Variants in TRIT1 observed in about 807,000 individuals in gnomAD.
TRIT1 encodes tRNA dimethylallyltransferase.
In TRIT1, 43 loss-of-function variants were observed where a neutral mutation model predicts 51.2. That is an observed-to-expected ratio of 0.84 (90% CI 0.66 to 1.08). TRIT1 has a LOEUF of 1.08. Among genes scored for constraint, TRIT1 ranks in the 50% least tolerant of loss-of-function variants. TRIT1 has a pLI of 0.00. For missense variants in TRIT1, 528 were observed against 578.4 expected (o/e 0.91, Z 0.89); for synonymous variants, 184 against 203.9 (o/e 0.90, Z 0.83).
chr1:39,883,432 T>C lies in TRIT1; in HGVS notation c.60A>G (p.Gln20=), dbSNP rs1007929557. 2 of 1,613,378 alleles carry C rather than the reference T, an allele frequency of 1.2e-6. No homozygotes were observed. Among genetic ancestry groups the C allele is most frequent in the Non-Finnish European group, 1.7e-6 (2 of 1,179,532 alleles). Residue 20 remains glutamine (Q), a synonymous_variant, in exon 1 of 11, where the codon CAA becomes CAG. Transcript: ENST00000316891. ...GAATCACTACAAGAGGTAGGGTCCG[T>C]TGCAGGCCCCTGAGCCCACTGCCCA... ...VPVGSGLRGL[Q]RTLPLVVILG...
In TRIT1 at chr1:39,852,889, G is replaced by A. The variant is rs144896772; in HGVS notation, c.415-13C>T. 136 of 1,613,268 alleles carry A rather than the reference G, an allele frequency of 8.4e-5. No individual in the cohort carries two copies. In the African/African-American group the frequency reaches 1.6e-3, roughly 19 times the overall value. ...CCATCTCCTGGGGCTATTAAATGAT[G>A]GTTTAGAAGTATATTTAATTCAACC... On this transcript the variant is annotated splice_polypyrimidine_tract_variant and intron_variant, in intron 3 of 10. Transcript: ENST00000316891.
intron 8 of TRIT1, 186 bp downstream of exon 8, chr1:39,847,034 T>C: frequency 1.1e-5 from 6 of 562,258 alleles, no homozygotes; most frequent in Admixed American, 3.3e-5. Flanking sequence ...CAAATAATTT[T>C]TTTTTTTTTT....
chr1:39,874,377 G>A (rs889714491), intron 1 of TRIT1, among the ~76,000 whole-genome samples: 3 of 152,054 alleles, frequency 2.0e-5, no homozygotes, highest in Non-Finnish European at 2.9e-5. Flanking sequence ...ATTGCCAAAC[G>A]TCCCCTAGGA....
chr1:39,847,485 T>C (rs1642299207), intron 7 of TRIT1, 63 bp downstream of exon 7: 3 of 1,564,988 alleles, frequency 1.9e-6, no homozygotes, highest in South Asian at 1.1e-5. Context: ...TCTCAGACCA[T>C]ACCAGCAGAG....
intron 1 of TRIT1, among the ~76,000 whole-genome samples, chr1:39,876,951 G>C (rs893036428): frequency 3.7e-5 from 5 of 135,824 alleles, no homozygotes; most frequent in African/African-American, 1.4e-4. Context: ...AAAAAAAAAA[G>C]GACTGCCTTT....
chr1:39,864,440 T>C (rs1253622064), intron 1 of TRIT1, among the ~76,000 whole-genome samples: 2 of 151,224 alleles, frequency 1.3e-5, no homozygotes, highest in Non-Finnish European at 1.5e-5. Context: ...AAACCCCATC[T>C]CTACTAAAAA....
chr1:39,844,484 A>T (rs1222664018), intron 9 of TRIT1, 47 bp downstream of exon 9: 4 of 1,457,986 alleles, frequency 2.7e-6, no homozygotes, highest in Admixed American at 1.7e-5. Context: ...AGCTAATGAA[A>T]GTGCTCTGAA....
intron 1 of TRIT1, among the ~76,000 whole-genome samples, chr1:39,879,237 A>G (rs1372984159): frequency 6.6e-6 from 1 of 152,010 alleles, no homozygotes; most frequent in East Asian, 1.9e-4. Context: ...AGCCTGGGTG[A>G]CAGAGCGAGA....
chr1:39,851,462 TA>T (rs959056457), intron 4 of TRIT1, among the ~76,000 whole-genome samples: 1 of 152,042 alleles, frequency 6.6e-6, no homozygotes, highest in Non-Finnish European at 1.5e-5. Context: ...TTCCTAGGTT[TA>T]AAAAAAATTG....
At chr1:39,844,788 C>G (rs1451921687) in intron 8 of TRIT1, 148 bp from the exon 9 acceptor site, 1 of 614,084 alleles carries the variant, frequency 1.6e-6, no homozygotes. Flanking sequence ...ACATGAACCA[C>G]AATCCAAGAA....
Position 39,838,583 on chromosome 1 carries a change from T to A in TRIT1, c.*3161A>T, listed in dbSNP as rs1402493462. 6.6e-6 allele frequency among the ~76,000 whole-genome samples: 1 copy of A among 152,200 alleles called. No homozygotes were observed. Among genetic ancestry groups the A allele is most frequent in the Non-Finnish European group, 1.5e-5 (1 of 68,032 alleles). ...ATCTCCCAGGCCCAAGCCATCCTCC[T>A]ACCTGAGCCTTCCACGTAGCTGGGA... On this transcript the variant is annotated 3_prime_UTR_variant, in exon 11 of 11. Coordinates refer to ENST00000316891, the MANE Select transcript of TRIT1 (RefSeq NM_017646.6).
chr1:39,868,877 T>A (rs1367415050), intron 1 of TRIT1, among the ~76,000 whole-genome samples: 1 of 151,814 alleles, frequency 6.6e-6, no homozygotes, highest in African/African-American at 2.4e-5. Flanking sequence ...CTGGCCAACG[T>A]GGTGAAACCC....
intron 7 of TRIT1, 37 bp downstream of exon 7, chr1:39,847,511 A>G (rs1297493232): frequency 2.5e-6 from 4 of 1,604,680 alleles, no homozygotes; most frequent in Non-Finnish European, 2.6e-6. Context: ...TGCCACCCAA[A>G]GATGTCCAAG....
chr1:39,856,526 G>C (rs907838610), intron 2 of TRIT1, among the ~76,000 whole-genome samples: 2 of 148,912 alleles, frequency 1.3e-5, no homozygotes, highest in Non-Finnish European at 3.0e-5. Context: ...ACCTCCATTT[G>C]AATCTATATC....
At chr1:39,858,071 C>G (rs1430380755) in intron 1 of TRIT1, among the ~76,000 whole-genome samples, 4 of 152,144 alleles carry the variant, frequency 2.6e-5, no homozygotes, top group Admixed American at 2.6e-4. Flanking sequence ...GCCAATTCGA[C>G]TAAAAAGTTC....
chr1:39,858,998 A>T (rs1458345187), intron 1 of TRIT1, among the ~76,000 whole-genome samples: 1 of 152,140 alleles, frequency 6.6e-6, no homozygotes, highest in African/African-American at 2.4e-5. Flanking sequence ...CATGCCGGTA[A>T]TCCCAGCACT....
At chr1:39,844,738 A>G (rs1225220417) in intron 8 of TRIT1, 98 bp from the exon 9 acceptor site, 1 of 807,370 alleles carries the variant, frequency 1.2e-6, no homozygotes, top group Non-Finnish European at 2.1e-6. Context: ...CACAGAGCCA[A>G]AGGAGTAAAC....
chr1:39,874,135 G>C (rs781656970), intron 1 of TRIT1, among the ~76,000 whole-genome samples: 3 of 152,204 alleles, frequency 2.0e-5, no homozygotes, highest in Non-Finnish European at 2.9e-5. Flanking sequence ...TTTGAAACCA[G>C]CCTGGGTAAC....
At chr1:39,853,344 G>GTT (rs34206474) in intron 3 of TRIT1, among the ~76,000 whole-genome samples, 4 of 151,646 alleles carry the variant, frequency 2.6e-5, no homozygotes, top group African/African-American at 9.7e-5. Flanking sequence ...AACGTACTGG[G>GTT]TTTTTTTTAA....
Sources: gnomAD v4.1 joint callset for allele counts (sites outside exome capture counted in the v4.1 genomes callset) on GRCh38, gnomAD v4.1.1 for gene constraint, MANE v1.5 for transcripts, NCBI Gene and HGNC (gene_info 2026-07-23, HGNC 2026-07-21) for gene names.